Variants in ANKS1B observed in about 807,000 individuals in gnomAD.
ANKS1B encodes ankyrin repeat and sterile alpha motif domain-containing protein 1B.
A neutral mutation model predicts 148.3 loss-of-function variants in ANKS1B; 36 were observed. That is an observed-to-expected ratio of 0.24 (90% CI 0.19 to 0.32). The LOEUF is 0.32. ANKS1B is among the 10% of genes least tolerant of loss of function. ANKS1B has a pLI of 1.00. For synonymous variants in ANKS1B, 542 were observed against 560.8 expected, an observed-to-expected ratio of 0.97 and a Z score of 0.47; for missense variants, 1,157 against 1,542.6, an observed-to-expected ratio of 0.75 and a Z score of 4.19.
At chr12:98,959,872 T>G (rs550884488) in intron 17 of ANKS1B, among the ~76,000 whole-genome samples, 33 of 152,150 alleles carry the variant, frequency 2.2e-4, no homozygotes, top group Admixed American at 7.9e-4. Context: ...AGGGTAGTGG[T>G]GATCACAGGG....
chr12:99,715,491 T>G (rs1195125262), intron 8 of ANKS1B, among the ~76,000 whole-genome samples: 1 of 152,178 alleles, frequency 6.6e-6, no homozygotes, highest in Non-Finnish European at 1.5e-5. Context: ...CTCCCTTCGC[T>G]GACTCTTTTC....
intron 12 of ANKS1B, among the ~76,000 whole-genome samples, chr12:99,285,690 G>A (rs2079037010): frequency 6.6e-6 from 1 of 152,124 alleles, no homozygotes; most frequent in Admixed American, 6.6e-5. Flanking sequence ...AGATGTTGGC[G>A]CCACCCCTCC....
At chr12:98,736,878 A>T (rs1364337844) in intron 9 of ANKS1B, among the ~76,000 whole-genome samples, 1 of 152,222 alleles carries the variant, frequency 6.6e-6, no homozygotes, top group Non-Finnish European at 1.5e-5. Context: ...CTCCTTGAGC[A>T]TCTGCATGCC....
chr12:99,898,027 C>T (rs2093448356), intron 1 of ANKS1B, among the ~76,000 whole-genome samples: 1 of 151,978 alleles, frequency 6.6e-6, no homozygotes, highest in Non-Finnish European at 1.5e-5. Flanking sequence ...TTTCAGTGTA[C>T]ATGTGCATAT....
intron 1 of ANKS1B, among the ~76,000 whole-genome samples, chr12:99,918,237 G>T (rs2094232395): frequency 6.6e-6 from 1 of 152,136 alleles, no homozygotes; most frequent in South Asian, 2.1e-4. Flanking sequence ...GGGAACTAAG[G>T]GGTAGAAGTA....
intron 25 of ANKS1B, among the ~76,000 whole-genome samples, chr12:98,757,937 C>CGTGT (rs34397440): frequency 2.7e-5 from 3 of 113,198 alleles, no homozygotes; most frequent in African/African-American, 6.1e-5. Flanking sequence ...CATGTGTGCA[C>CGTGT]GTGTGTGTGT....
intron 22 of ANKS1B, among the ~76,000 whole-genome samples, chr12:98,791,492 GCAGT>G (rs2098852143): frequency 1.3e-5 from 2 of 152,158 alleles, no homozygotes; most frequent in South Asian, 4.1e-4. Flanking sequence ...TATGACTCAC[GCAGT>G]ATTTGGGAGA....
intron 17 of ANKS1B, among the ~76,000 whole-genome samples, chr12:98,954,147 C>T (rs561173989): frequency 6.6e-6 from 1 of 152,180 alleles, no homozygotes; most frequent in East Asian, 1.9e-4. Flanking sequence ...GCATGAAACA[C>T]TTGTCTGTCC....
intron 17 of ANKS1B, among the ~76,000 whole-genome samples, chr12:98,960,690 G>GAGAT (rs200376312): frequency 0.026 from 3,967 of 152,202 alleles, 135 homozygotes; most frequent in African/African-American, 0.079. Flanking sequence ...CAGAGAGACA[G>GAGAT]AGATATGTAA....
At chr12:99,397,699 AAC>A (rs1360643556) in intron 12 of ANKS1B, among the ~76,000 whole-genome samples, 6 of 152,130 alleles carry the variant, frequency 3.9e-5, no homozygotes, top group Non-Finnish European at 7.4e-5. Flanking sequence ...GAATTTATAT[AAC>A]AGTCATGAGG....
intron 17 of ANKS1B, among the ~76,000 whole-genome samples, chr12:99,010,345 A>C (rs1199347266): frequency 1.3e-5 from 2 of 152,204 alleles, no homozygotes; most frequent in African/African-American, 4.8e-5. Flanking sequence ...AACACACATA[A>C]AATACTTAGA....
intron 15 of ANKS1B, among the ~76,000 whole-genome samples, chr12:99,139,937 G>A (rs2070009599): frequency 1.3e-5 from 2 of 152,172 alleles, no homozygotes; most frequent in South Asian, 4.1e-4. Flanking sequence ...GATAAAAGAT[G>A]CAGATTTGAA....
chr12:99,383,811 A>G (rs2093741080), intron 12 of ANKS1B, among the ~76,000 whole-genome samples: 1 of 150,064 alleles, frequency 6.7e-6, no homozygotes, highest in Admixed American at 6.6e-5. Context: ...CCAGGAGTTC[A>G]AGACCAGCCT....
intron 8 of ANKS1B, among the ~76,000 whole-genome samples, chr12:99,723,338 G>A (rs903874737): frequency 8.5e-5 from 13 of 152,134 alleles, no homozygotes; most frequent in Non-Finnish European, 1.3e-4. Context: ...GCTTGGTTCC[G>A]AGAGGGGTCC....
chr12:99,638,582 G>A (rs527293949), intron 9 of ANKS1B, among the ~76,000 whole-genome samples: 5 of 152,086 alleles, frequency 3.3e-5, no homozygotes, highest in Admixed American at 1.3e-4. Context: ...AGAGGAAAGA[G>A]AGCATAAAAG....
rs1445902356 is a variant in ANKS1B at position 99,649,546 on chromosome 12, AC to A, written c.1272+5520del. The stretch of plus-strand genomic sequence containing the variant: ...CACAGGTACCATGGATGTGGCTGCA[AC>A]CAAGTCTGCAGACTCAGGAGAGAAA... On this transcript the variant is annotated intron_variant, in intron 9 of 26. Transcript: ENST00000683438. The A allele has an allele frequency of 4.8e-6, 3 of 626,990 alleles. No individual in the cohort carries two copies. In the African/African-American group the frequency reaches 5.5e-5, roughly 11 times the overall value. The allele number at this position is 626,990 out of a possible 1,614,324, so 38.8% of individuals were successfully genotyped here.
chr12:99,462,380 GAATTCC>G (rs2095994247), intron 10 of ANKS1B, among the ~76,000 whole-genome samples: 1 of 152,188 alleles, frequency 6.6e-6, no homozygotes, highest in Non-Finnish European at 1.5e-5. Flanking sequence ...CCCAGTTTCA[GAATTCC>G]CTAGGGAGCC....
At chr12:99,463,639 T>G (rs995114692) in intron 10 of ANKS1B, among the ~76,000 whole-genome samples, 30 of 152,160 alleles carry the variant, frequency 2.0e-4, no homozygotes, top group African/African-American at 5.3e-4. Context: ...GGAGATTATA[T>G]CCTGTGCATG....
chr12:99,503,320 C>A (rs2096673727), intron 10 of ANKS1B, among the ~76,000 whole-genome samples: 2 of 152,152 alleles, frequency 1.3e-5, no homozygotes. Context: ...GGCCAATAAC[C>A]TTTTATCTTA....
Sources: allele counts gnomAD v4.1 joint callset (sites outside exome capture counted in the v4.1 genomes callset), GRCh38; gene constraint gnomAD v4.1.1; transcripts MANE v1.5; gene names NCBI Gene and HGNC (gene_info 2026-07-23, HGNC 2026-07-21).